CSMD3: variants seen among roughly 807,000 people sequenced by gnomAD.
The protein encoded by CSMD3 is CUB and Sushi multiple domains 3.
CSMD3 carries 177 observed loss-of-function variants against 435.2 expected under a neutral mutation model. The ratio of observed to expected loss-of-function variants is 0.41; its 90% CI spans 0.36 to 0.46. CSMD3 has a LOEUF of 0.46. CSMD3 is among the 20% of genes least tolerant of loss of function. The pLI is 0.34. For missense variants in CSMD3, 4,265 were observed against 4,504.6 expected, an observed-to-expected ratio of 0.95 and a Z score of 1.52; for synonymous variants, 1,656 against 1,520.5, an observed-to-expected ratio of 1.09 and a Z score of -2.07.
chr8:113,277,606 A>G (rs990764515), intron 3 of CSMD3, among the ~76,000 whole-genome samples: 2 of 151,924 alleles, frequency 1.3e-5, no homozygotes, highest in African/African-American at 2.4e-5. Context: ...GAATTATTAT[A>G]TGGTTTAGAA....
intron 11 of CSMD3, among the ~76,000 whole-genome samples, chr8:112,832,135 T>A (rs1160642258): frequency 6.6e-6 from 1 of 152,206 alleles, no homozygotes; most frequent in Non-Finnish European, 1.5e-5. Flanking sequence ...CACAAGCTCA[T>A]AAAGATGTAT....
chr8:112,370,017 A>AGAG (rs796330074), intron 38 of CSMD3, among the ~76,000 whole-genome samples: 1,047 of 55,738 alleles, frequency 0.019, 9 homozygotes, highest in Middle Eastern at 0.045. Flanking sequence ...AAGAGGAAGA[A>AGAG]GAAGAGGAAG....
intron 5 of CSMD3, among the ~76,000 whole-genome samples, chr8:113,032,607 C>T (rs2087162304): frequency 6.6e-6 from 1 of 151,372 alleles, no homozygotes; most frequent in Non-Finnish European, 1.5e-5. Flanking sequence ...TTGGAATTTA[C>T]GTTTAAAAGG....
intron 3 of CSMD3, among the ~76,000 whole-genome samples, chr8:113,195,769 T>C (rs1044816092): frequency 6.9e-5 from 10 of 144,852 alleles, no homozygotes; most frequent in Admixed American, 2.8e-4. Flanking sequence ...GATACATATA[T>C]ATAATATTCA....
chr8:112,814,341 A>T (rs889353675), intron 12 of CSMD3, among the ~76,000 whole-genome samples: 1 of 152,172 alleles, frequency 6.6e-6, no homozygotes, highest in African/African-American at 2.4e-5. Context: ...GTGTGCTTAC[A>T]TTCCTGGTCT....
At chr8:112,499,647 A>G (rs1821738348) in intron 30 of CSMD3, among the ~76,000 whole-genome samples, 1 of 152,154 alleles carries the variant, frequency 6.6e-6, no homozygotes, top group Non-Finnish European at 1.5e-5. Context: ...TTTAAATTTT[A>G]TTTTGATAGT....
intron 32 of CSMD3, among the ~76,000 whole-genome samples, chr8:112,434,550 A>C (rs1413111162): frequency 6.6e-6 from 1 of 152,078 alleles, no homozygotes; most frequent in Non-Finnish European, 1.5e-5. Flanking sequence ...TATTGTTATT[A>C]ATATTTGTAC....
At chr8:112,287,949 T>G (rs1354674221) in intron 57 of CSMD3, among the ~76,000 whole-genome samples, 2 of 152,014 alleles carry the variant, frequency 1.3e-5, no homozygotes, top group Non-Finnish European at 2.9e-5. Context: ...TACCTAGTCG[T>G]TTTATCATTT....
chr8:112,282,054 A>G (rs893668381), intron 58 of CSMD3, among the ~76,000 whole-genome samples: 1 of 152,160 alleles, frequency 6.6e-6, no homozygotes, highest in Non-Finnish European at 1.5e-5. Context: ...CTGACTTAAA[A>G]GCTATAATAT....
At chr8:112,381,534 T>A (rs1829460284) in intron 37 of CSMD3, among the ~76,000 whole-genome samples, 2 of 152,176 alleles carry the variant, frequency 1.3e-5, no homozygotes, top group Non-Finnish European at 2.9e-5. Flanking sequence ...TTACAAACAT[T>A]TCTTTATAAG....
intron 28 of CSMD3, among the ~76,000 whole-genome samples, chr8:112,512,577 C>T (rs1324660094): frequency 6.6e-6 from 1 of 152,096 alleles, no homozygotes; most frequent in Non-Finnish European, 1.5e-5. Context: ...TGCCGTTATC[C>T]AAGCTTAATT....
chr8:113,278,748 T>C (rs982233904), intron 2 of CSMD3, 44 bp from the exon 3 acceptor site: 2 of 905,364 alleles, frequency 2.2e-6, no homozygotes, highest in African/African-American at 3.3e-5. Context: ...AATCATTTTA[T>C]CTAAGAGTTT....
chr8:112,533,685 A>C (rs1375422146), intron 27 of CSMD3, among the ~76,000 whole-genome samples: 10 of 152,088 alleles, frequency 6.6e-5, no homozygotes, highest in African/African-American at 2.4e-4. Flanking sequence ...GGACTTCAAC[A>C]CTCCACAATC....
intron 9 of CSMD3, among the ~76,000 whole-genome samples, chr8:112,925,610 A>G (rs1181195818): frequency 6.6e-6 from 1 of 152,160 alleles, no homozygotes; most frequent in Non-Finnish European, 1.5e-5. Flanking sequence ...ATACCTCAGT[A>G]GAACAATTGC....
chr8:112,228,212 A>C (rs574873308), intron 70 of CSMD3, among the ~76,000 whole-genome samples: 1 of 152,298 alleles, frequency 6.6e-6, no homozygotes, highest in Non-Finnish European at 1.5e-5. Flanking sequence ...TCTACTAATA[A>C]TATGTACAGC....
chr8:112,299,411 A>G (rs1407288468), intron 53 of CSMD3, among the ~76,000 whole-genome samples: 1 of 152,164 alleles, frequency 6.6e-6, no homozygotes, highest in Non-Finnish European at 1.5e-5. Context: ...AATGGTATGC[A>G]TGCTTAATAT....
chr8:112,232,874 A>C (rs1813227111), intron 68 of CSMD3, among the ~76,000 whole-genome samples: 1 of 152,122 alleles, frequency 6.6e-6, no homozygotes, highest in African/African-American at 2.4e-5. Flanking sequence ...GTGCCCTTTC[A>C]GACTCTGCCC....
rs144470698 is a variant in CSMD3 at position 112,304,092 on chromosome 8, G to A, written c.8266+629C>T. On this transcript the variant is annotated intron_variant, in intron 52 of 70. Coordinates refer to ENST00000297405, the MANE Select transcript of CSMD3 (RefSeq NM_198123.2). Reference sequence around the variant, plus strand: ...TTATAAAAATGTATGGAAATAAAACGCCTTAACTGCTCAATTTGGTTCAAT... The same window carrying A: ...TTATAAAAATGTATGGAAATAAAACACCTTAACTGCTCAATTTGGTTCAAT... 6.3e-3 allele frequency among the ~76,000 whole-genome samples: 957 copies of A among 152,154 alleles called. 9 individuals are homozygous for A. The highest frequency in any genetic ancestry group is 0.022 in the African/African-American group (894 of 41,520).
chr8:112,382,573 T>G (rs1007148163), intron 37 of CSMD3, among the ~76,000 whole-genome samples: 1 of 152,198 alleles, frequency 6.6e-6, no homozygotes, highest in Non-Finnish European at 1.5e-5. Flanking sequence ...ATATGTTAGC[T>G]ATATTTATAT....
Sources: gnomAD v4.1 joint callset for allele counts (sites outside exome capture counted in the v4.1 genomes callset) on GRCh38, gnomAD v4.1.1 for gene constraint, MANE v1.5 for transcripts, NCBI Gene and HGNC (gene_info 2026-07-23, HGNC 2026-07-21) for gene names.